The following ANKRD10 variants were observed in gnomAD, a reference collection of about 807,000 sequenced individuals.
ANKRD10 encodes ankyrin repeat domain-containing protein 10.
In ANKRD10, 14 loss-of-function variants were observed where a neutral mutation model predicts 27.0. That is an observed-to-expected ratio of 0.52 (90% CI 0.34 to 0.81). The LOEUF is 0.81. ANKRD10 is among the 40% of genes least tolerant of loss of function. ANKRD10 has a pLI of 0.01. For missense variants in ANKRD10, 493 were observed against 544.0 expected (o/e 0.91, Z 0.93); for synonymous variants, 250 against 224.5 (o/e 1.11, Z -1.01).
At chr13:110,909,066 TTATC>T (rs2065619168) in intron 2 of ANKRD10, among the ~76,000 whole-genome samples, 1 of 152,150 alleles carries the variant, frequency 6.6e-6, no homozygotes, top group Non-Finnish European at 1.5e-5. Context: ...CTCACTCCCT[TTATC>T]TACTGAAAAT....
At chr13:110,898,617 TGGAGTGCAGTGG>T (rs1383527846) in intron 3 of ANKRD10, among the ~76,000 whole-genome samples, 2 of 152,152 alleles carry the variant, frequency 1.3e-5, no homozygotes, top group Admixed American at 1.3e-4. Context: ...TCACCCAGGC[TGGAGTGCAGTGG>T]TGCAATCACA....
chr13:110,905,521 C>G (rs994826441), intron 3 of ANKRD10, among the ~76,000 whole-genome samples: 3 of 152,240 alleles, frequency 2.0e-5, no homozygotes, highest in Non-Finnish European at 4.4e-5. Context: ...AAGGAACTAT[C>G]AACCATTAAG....
At chr13:110,894,375 G>T in intron 3 of ANKRD10, 2 of 130,376 alleles carry the variant, frequency 1.5e-5, no homozygotes, top group Non-Finnish European at 2.9e-5. Flanking sequence ...CCAGAACCCT[G>T]ATGCCTTTCT....
At chr13:110,893,311 T>A in intron 3 of ANKRD10, 48 bp from the exon 4 acceptor site, 1 of 1,571,454 alleles carries the variant, frequency 6.4e-7, no homozygotes, top group Non-Finnish European at 8.7e-7. Flanking sequence ...CGTGCTAACC[T>A]GGTCTCTGCT....
Position 110,913,568 on chromosome 13 carries a change from A to G in ANKRD10, c.210+1157T>C, listed in dbSNP as rs1033608121. Among the ~76,000 whole-genome samples the G allele has an allele frequency of 1.8e-3, 278 of 152,308 alleles. 8 individuals carry two copies. Among genetic ancestry groups the G allele is most frequent in the Non-Finnish European group, 1.0e-4 (7 of 68,018 alleles). ...AAAGAAAAGTGACTTTTCCACTTTA[A>G]AAGAATCAGAAACTGCTTTCCAAAA... On this transcript the variant is annotated intron_variant, in intron 1 of 5. Transcript: ENST00000267339.
intron 3 of ANKRD10, among the ~76,000 whole-genome samples, chr13:110,900,943 T>C (rs1472671839): frequency 6.6e-6 from 1 of 152,214 alleles, no homozygotes; most frequent in Non-Finnish European, 1.5e-5. Flanking sequence ...TTTGGTAATT[T>C]TTTAGCATGA....
chr13:110,902,035 T>C (rs1169624323), intron 3 of ANKRD10, among the ~76,000 whole-genome samples: 2 of 124,218 alleles, frequency 1.6e-5, no homozygotes, highest in Non-Finnish European at 3.2e-5. Context: ...AAAGGGAGAC[T>C]CTGTCTCTTT....
chr13:110,879,517 AAAGTTG>A lies in ANKRD10; in HGVS notation c.*114_*119del, dbSNP rs2064770348. 1 of 771,988 alleles carries A rather than the reference AAAGTTG, an allele frequency of 1.3e-6. No individual in the cohort carries two copies. Among genetic ancestry groups the A allele is most frequent in the Non-Finnish European group, 2.1e-6 (1 of 485,676 alleles). The allele number at this position is 771,988 out of a possible 1,614,324, so 47.8% of individuals were successfully genotyped here. A position where few individuals can be genotyped will look rare whatever the true frequency, so the allele number is the denominator to read the frequency against. On this transcript the variant is annotated 3_prime_UTR_variant, in exon 6 of 6. Transcript: ENST00000267339. ...AACTTGTCGAAGTTTACTTTTTCAG[AAAGTTG>A]AAGTATATAAAAAACGTACAAGTTG...
chr13:110,884,788 A>G (rs1330666062), intron 4 of ANKRD10, among the ~76,000 whole-genome samples: 2 of 152,224 alleles, frequency 1.3e-5, no homozygotes, highest in East Asian at 3.8e-4. Flanking sequence ...TTCTGGGCCA[A>G]AGAATATACA....
At chr13:110,883,574 G>A (rs754964909) in intron 5 of ANKRD10, 124 bp downstream of exon 5, 8 of 1,440,172 alleles carry the variant, frequency 5.6e-6, no homozygotes, top group Non-Finnish European at 7.4e-6. Context: ...ACGACAGGGG[G>A]TCTGCATTGC....
At chr13:110,913,014 G>T (rs2065764953) in intron 1 of ANKRD10, among the ~76,000 whole-genome samples, 1 of 152,262 alleles carries the variant, frequency 6.6e-6, no homozygotes, top group South Asian at 2.1e-4. Context: ...CATGGAAGTA[G>T]ACTTTTGAAA....
chr13:110,888,237 G>A (rs1456319085), intron 4 of ANKRD10, among the ~76,000 whole-genome samples: 1 of 149,720 alleles, frequency 6.7e-6, no homozygotes, highest in Non-Finnish European at 1.5e-5. Flanking sequence ...GCCAGTCTTC[G>A]TTTTGCTTCC....
chr13:110,885,749 CG>C (rs2064913037), intron 4 of ANKRD10, among the ~76,000 whole-genome samples: 2 of 137,486 alleles, frequency 1.5e-5, no homozygotes, highest in Non-Finnish European at 3.5e-5. Context: ...CACACGAACA[CG>C]GTTTGTACAA....
At chr13:110,882,876 A>C (rs560282396) in intron 5 of ANKRD10, among the ~76,000 whole-genome samples, 2 of 152,336 alleles carry the variant, frequency 1.3e-5, no homozygotes, top group African/African-American at 4.8e-5. Flanking sequence ...AAGACATAAT[A>C]AACTTAAAAA....
chr13:110,882,794 T>C (rs2064844261), intron 5 of ANKRD10, among the ~76,000 whole-genome samples: 4 of 152,306 alleles, frequency 2.6e-5, no homozygotes, highest in South Asian at 2.1e-4. Context: ...ACACAAATGA[T>C]TTTTTTCATG....
At chr13:110,882,565 C>G (rs2064839975) in intron 5 of ANKRD10, among the ~76,000 whole-genome samples, 1 of 152,150 alleles carries the variant, frequency 6.6e-6, no homozygotes, top group Non-Finnish European at 1.5e-5. Flanking sequence ...AAGGTGGCCA[C>G]TTCTGCCTAT....
At chr13:110,900,063 A>G (rs753934426) in intron 3 of ANKRD10, among the ~76,000 whole-genome samples, 1 of 146,930 alleles carries the variant, frequency 6.8e-6, no homozygotes, top group African/African-American at 2.4e-5. Flanking sequence ...ACTCAAATTT[A>G]TATCTAAGAA....
intron 4 of ANKRD10, among the ~76,000 whole-genome samples, chr13:110,886,975 G>A (rs1232567616): frequency 6.6e-6 from 1 of 152,168 alleles, no homozygotes; most frequent in Non-Finnish European, 1.5e-5. Flanking sequence ...GAGACACAAC[G>A]TTCAGGATGG....
intron 3 of ANKRD10, among the ~76,000 whole-genome samples, chr13:110,903,056 A>G (rs1014277983): frequency 2.6e-5 from 4 of 152,354 alleles, no homozygotes; most frequent in Middle Eastern, 3.4e-3. Context: ...AATCACATTA[A>G]GACTTAATGT....
Sources: allele counts gnomAD v4.1 joint callset (sites outside exome capture counted in the v4.1 genomes callset), GRCh38; gene constraint gnomAD v4.1.1; transcripts MANE v1.5; gene names NCBI Gene and HGNC (gene_info 2026-07-23, HGNC 2026-07-21).